The following RSPO4 variants were observed in gnomAD, a reference collection of about 807,000 sequenced individuals.
RSPO4 encodes the protein R-spondin 4.
In RSPO4, 23 loss-of-function variants were observed where a neutral mutation model predicts 24.8. The ratio of observed to expected loss-of-function variants is 0.93; its 90% CI spans 0.67 to 1.31. RSPO4 has a LOEUF of 1.31. RSPO4 is among the 40% of genes most tolerant of loss of function. RSPO4 has a pLI of 0.00. For missense variants in RSPO4, 333 were observed against 316.5 expected (o/e 1.05, Z -0.39); for synonymous variants, 141 against 127.4 (o/e 1.11, Z -0.72).
intron 4 of RSPO4, 108 bp from the exon 5 acceptor site, chr20:960,574 G>A (rs1314510868): frequency 1.5e-5 from 12 of 799,128 alleles, no homozygotes; most frequent in Non-Finnish European, 2.1e-5. Context: ...CCCCAACAAC[G>A]GGGCTCAGAA....
rs1453886272 is a variant in RSPO4 at position 962,085 on chromosome 20, CTG to C, written c.596-1621_596-1620del. On this transcript the variant is annotated intron_variant, in intron 4 of 4. Transcript: ENST00000217260. The stretch of plus-strand genomic sequence containing the variant: ...AACTGGATACCGACTATGTGCCAGA[CTG>C]TGTTAGAGGCACTAGAGAGACAGCT... Among the ~76,000 whole-genome samples, 3 of 152,238 alleles carry C rather than the reference CTG, an allele frequency of 2.0e-5. No homozygotes were observed. The South Asian group carries it at 6.2e-4, about 32-fold the overall frequency.
At chr20:993,081 C>T (rs963654653) in intron 1 of RSPO4, among the ~76,000 whole-genome samples, 3 of 152,202 alleles carry the variant, frequency 2.0e-5, no homozygotes, top group East Asian at 1.9e-4. Flanking sequence ...GCTCTGCCAT[C>T]GGGCTCCAGG....
chr20:964,731 T>C (rs765113773), intron 3 of RSPO4, among the ~76,000 whole-genome samples: 21 of 148,106 alleles, frequency 1.4e-4, no homozygotes, highest in Non-Finnish European at 2.4e-4. Context: ...CACATATATA[T>C]ACACACACAC....
intron 1 of RSPO4, among the ~76,000 whole-genome samples, chr20:977,173 A>C (rs938618933): frequency 1.3e-5 from 2 of 152,234 alleles, no homozygotes; most frequent in Admixed American, 1.3e-4. Context: ...TGTTAAAAAC[A>C]CAGGCTGCTG....
chr20:972,211 T>C (rs959514575), intron 1 of RSPO4, among the ~76,000 whole-genome samples: 1 of 152,134 alleles, frequency 6.6e-6, no homozygotes, highest in East Asian at 1.9e-4. Flanking sequence ...ACTACAGGCG[T>C]GCACCACCAT....
intron 1 of RSPO4, among the ~76,000 whole-genome samples, chr20:1,001,506 G>A (rs1985460731): frequency 1.3e-5 from 2 of 152,202 alleles, no homozygotes; most frequent in African/African-American, 4.8e-5. Context: ...TCTCTGAGGG[G>A]CTGGACTTCT....
intron 1 of RSPO4, among the ~76,000 whole-genome samples, chr20:1,001,382 G>A (rs999178598): frequency 5.9e-5 from 9 of 152,194 alleles, no homozygotes; most frequent in African/African-American, 1.9e-4. Context: ...CTCACAGCGA[G>A]GCTGTGGCAT....
At chr20:969,502 C>A (rs540241235) in intron 1 of RSPO4, among the ~76,000 whole-genome samples, 12 of 152,256 alleles carry the variant, frequency 7.9e-5, no homozygotes, top group African/African-American at 2.9e-4. Context: ...CATAGCCCTG[C>A]GAATCTGCCC....
chr20:965,437 T>C (rs1378996054), intron 3 of RSPO4, among the ~76,000 whole-genome samples: 1 of 152,138 alleles, frequency 6.6e-6, no homozygotes, highest in African/African-American at 2.4e-5. Flanking sequence ...ATGGGACAGA[T>C]TGCCCAGGGC....
intron 1 of RSPO4, among the ~76,000 whole-genome samples, chr20:986,902 C>T (rs901375423): frequency 1.3e-5 from 2 of 152,160 alleles, no homozygotes; most frequent in African/African-American, 2.4e-5. Context: ...TGTTCTACTT[C>T]CCTAAGAATT....
Position 959,181 on chromosome 20 carries a change from GTGGGTGTC to G in RSPO4, c.*1168_*1175del. 1 of 124,472 alleles carries G rather than the reference GTGGGTGTC, an allele frequency of 8.0e-6. No individual in the cohort carries two copies. Among genetic ancestry groups the G allele is most frequent in the African/African-American group, 3.3e-5 (1 of 30,674 alleles). 7.7% of individuals were successfully genotyped at this position (124,472 alleles called of 1,614,324 possible). The stretch of plus-strand genomic sequence containing the variant: ...GTGATGGGTGTGGGCAAGTGTGGGG[GTGGGTGTC>G]AGCGTGTGGGGGTGGGTGTCAGCGA... On this transcript the variant is annotated 3_prime_UTR_variant, in exon 5 of 5. Coordinates refer to ENST00000217260, the MANE Select transcript of RSPO4 (RefSeq NM_001029871.4).
Position 974,801 on chromosome 20 carries a change from A to G in RSPO4, c.80-6663T>C, listed in dbSNP as rs1984511400. On this transcript the variant is annotated intron_variant, in intron 1 of 4. Transcript: ENST00000217260. Reference sequence around the variant, plus strand: ...GAAACAGAGCCAAGAGACACAGACAAAGACCAAAAAGAGTCATCTGTGCAT... The same window carrying G: ...GAAACAGAGCCAAGAGACACAGACAGAGACCAAAAAGAGTCATCTGTGCAT... Among the ~76,000 whole-genome samples the G allele has an allele frequency of 2.0e-5, 3 of 152,204 alleles. No homozygotes were observed. In the South Asian group the frequency reaches 6.2e-4, roughly 32 times the overall value.
chr20:964,167 C>A, intron 3 of RSPO4, 47 bp from the exon 4 acceptor site: 5 of 1,515,982 alleles, frequency 3.3e-6, no homozygotes, highest in Non-Finnish European at 4.5e-6. Context: ...CAGGGTCAGC[C>A]GGCAGTGAGG....
At chr20:996,164 C>T (rs552891126) in intron 1 of RSPO4, among the ~76,000 whole-genome samples, 84 of 152,238 alleles carry the variant, frequency 5.5e-4, no homozygotes, top group Non-Finnish European at 1.1e-3. Flanking sequence ...TCTGACCCTT[C>T]GCAAAAAATG....
At chr20:968,250 C>G in intron 1 of RSPO4, 112 bp from the exon 2 acceptor site, 1 of 929,754 alleles carries the variant, frequency 1.1e-6, no homozygotes, top group South Asian at 1.4e-5. Flanking sequence ...CACATGGCCA[C>G]CCAAACAAAA....
At chr20:990,631 C>T (rs1463020921) in intron 1 of RSPO4, among the ~76,000 whole-genome samples, 1 of 151,966 alleles carries the variant, frequency 6.6e-6, no homozygotes, top group Non-Finnish European at 1.5e-5. Context: ...ATGAGATGAT[C>T]CACAAACTGA....
At chr20:984,988 CATCT>C (rs1165883469) in intron 1 of RSPO4, among the ~76,000 whole-genome samples, 6 of 145,412 alleles carry the variant, frequency 4.1e-5, no homozygotes, top group Admixed American at 6.8e-5. Flanking sequence ...CTCACCCACC[CATCT>C]ATCCATCCAT....
At chr20:984,974 T>C (rs1984863233) in intron 1 of RSPO4, among the ~76,000 whole-genome samples, 3 of 117,410 alleles carry the variant, frequency 2.6e-5, no homozygotes, top group Admixed American at 8.9e-5. Context: ...CATCTATCCA[T>C]CCACTCACCC....
chr20:1,001,330 G>A (rs1034451062), intron 1 of RSPO4, among the ~76,000 whole-genome samples: 2 of 152,184 alleles, frequency 1.3e-5, no homozygotes, highest in Non-Finnish European at 2.9e-5. Flanking sequence ...CTCCTGCTCT[G>A]CAGGGACAGC....
Sources: gnomAD v4.1 joint callset for allele counts (sites outside exome capture counted in the v4.1 genomes callset) on GRCh38, gnomAD v4.1.1 for gene constraint, MANE v1.5 for transcripts, NCBI Gene and HGNC (gene_info 2026-07-23, HGNC 2026-07-21) for gene names.